The following SNX29 variants were observed in gnomAD, a reference collection of about 807,000 sequenced individuals.
SNX29 encodes sorting nexin-29.
In SNX29, 78 loss-of-function variants were observed where a neutral mutation model predicts 102.1. That is an observed-to-expected ratio of 0.76 (90% CI 0.64 to 0.92). SNX29 has a LOEUF of 0.92. Ranked by LOEUF, SNX29 falls within the 40% of genes least tolerant of loss-of-function variation. The pLI is 0.00. For synonymous variants in SNX29, 580 were observed against 414.5 expected (o/e 1.40, Z -4.85); for missense variants, 1,280 against 1,061.7 (o/e 1.21, Z -2.86).
At chr16:12,468,371 C>T (rs1187490300) in intron 18 of SNX29, among the ~76,000 whole-genome samples, 1 of 151,920 alleles carries the variant, frequency 6.6e-6, no homozygotes, top group Non-Finnish European at 1.5e-5. Context: ...GACGGGGTTT[C>T]ACCATGTTGT....
At chr16:12,026,982 A>G (rs959191144) in intron 3 of SNX29, among the ~76,000 whole-genome samples, 1 of 152,134 alleles carries the variant, frequency 6.6e-6, no homozygotes, top group Non-Finnish European at 1.5e-5. Context: ...ACCGCTCCCC[A>G]CACTGAACTG....
intron 20 of SNX29, among the ~76,000 whole-genome samples, chr16:12,540,402 G>A (rs549982995): frequency 3.3e-5 from 5 of 152,302 alleles, no homozygotes; most frequent in African/African-American, 9.6e-5. Flanking sequence ...CAAAGTTAGT[G>A]GCTAAAAACT....
In SNX29 at chr16:12,570,691, A is replaced by C. The variant is rs952042355; in HGVS notation, c.*2062A>C. ...GCTTATGACCTGCACCTTTTCTGACACCTGCCCCCAAAGCACAGGATGTGA... is the reference window on the plus strand; with the variant it reads ...GCTTATGACCTGCACCTTTTCTGACCCCTGCCCCCAAAGCACAGGATGTGA... On this transcript the variant is annotated 3_prime_UTR_variant, in exon 21 of 21. Coordinates refer to ENST00000566228, the MANE Select transcript of SNX29 (RefSeq NM_032167.5). 1 of 232,002 alleles carries C rather than the reference A, an allele frequency of 4.3e-6. No homozygotes were observed. The highest frequency in any genetic ancestry group is 6.1e-5 in the East Asian group (1 of 16,370). 14.4% of individuals were successfully genotyped at this position (232,002 alleles called of 1,614,324 possible). A position where few individuals can be genotyped will look rare whatever the true frequency, so the allele number is the denominator to read the frequency against.
intron 10 of SNX29, among the ~76,000 whole-genome samples, chr16:12,077,539 A>G (rs1407720827): frequency 2.0e-5 from 3 of 152,040 alleles, no homozygotes; most frequent in Non-Finnish European, 2.9e-5. Context: ...TATTCCCAGT[A>G]GTTGTATTCT....
rs1596546826 is a variant in SNX29 at position 11,994,928 on chromosome 16, C to T, written c.8-4369C>T. ...AGACAAGGGAAGTGACTGTCCCTGT[C>T]ACATGGCTAGCAAGCAGGCCAGGCA... On this transcript the variant is annotated intron_variant, in intron 1 of 20. Coordinates refer to ENST00000566228, the MANE Select transcript of SNX29 (RefSeq NM_032167.5). 2.0e-5 allele frequency among the ~76,000 whole-genome samples: 3 copies of T among 152,122 alleles called. No homozygotes were observed. The South Asian group carries it at 6.2e-4, about 32-fold the overall frequency.
chr16:12,090,153 C>T (rs1429735914), intron 11 of SNX29: 1 of 154,840 alleles, frequency 6.5e-6, no homozygotes, highest in East Asian at 1.9e-4. Flanking sequence ...TTTCTTTTTT[C>T]CTTAAAGACT....
intron 20 of SNX29, among the ~76,000 whole-genome samples, chr16:12,562,215 AGGTGGCCAAGTTCAG>A (rs1327997087): frequency 6.6e-6 from 1 of 152,122 alleles, no homozygotes; most frequent in African/African-American, 2.4e-5. Flanking sequence ...ACCCTGCTGG[AGGTGGCCAAGTTCAG>A]AAGTGAAGGG....
At chr16:12,484,492 T>C (rs979941557) in intron 19 of SNX29, among the ~76,000 whole-genome samples, 2 of 152,176 alleles carry the variant, frequency 1.3e-5, no homozygotes, top group Non-Finnish European at 2.9e-5. Context: ...GTGACACCCC[T>C]GGTACTTACA....
intron 20 of SNX29, among the ~76,000 whole-genome samples, chr16:12,551,025 C>T (rs754442105): frequency 6.6e-6 from 1 of 152,116 alleles, no homozygotes; most frequent in Non-Finnish European, 1.5e-5. Context: ...GAGTGATGGG[C>T]TTCTAAACAA....
intron 14 of SNX29, among the ~76,000 whole-genome samples, chr16:12,273,760 G>A (rs750711232): frequency 3.3e-5 from 5 of 152,148 alleles, no homozygotes; most frequent in African/African-American, 1.2e-4. Context: ...TTAGCAGTAG[G>A]GTCTTCATCC....
intron 1 of SNX29, among the ~76,000 whole-genome samples, chr16:11,980,965 CTTT>C (rs1289274238): frequency 1.4e-5 from 2 of 141,894 alleles, no homozygotes; most frequent in Admixed American, 7.1e-5. Context: ...TTTTCATTTT[CTTT>C]TTTTTTTTTT....
rs376490219 is a variant in SNX29, at chr16:12,041,314, G to A, written c.248-1583G>A. On this transcript the variant is annotated intron_variant, in intron 4 of 20. Transcript: ENST00000566228. Reference sequence around the variant, plus strand: ...TTTAGTAGAGATGGGGTTTCAGCATGTTGGCCAGGCTGATCTCGAACCCCT... The same window carrying A: ...TTTAGTAGAGATGGGGTTTCAGCATATTGGCCAGGCTGATCTCGAACCCCT... Among the ~76,000 whole-genome samples the A allele has an allele frequency of 8.5e-5, 13 of 152,250 alleles. No individual in the cohort carries two copies. In the East Asian group the frequency reaches 2.3e-3, roughly 27 times the overall value.
Position 12,561,501 on chromosome 16 carries a change from C to A in SNX29, c.2319-7005C>A, listed in dbSNP as rs573884944. ...ATTGACCGGCTCGCCAGACCCAGAT[C>A]ACAGGTGAAACAAAGTGAAAAGTTA... On this transcript the variant is annotated intron_variant, in intron 20 of 20. Coordinates refer to ENST00000566228, the MANE Select transcript of SNX29 (RefSeq NM_032167.5). 3.9e-5 allele frequency among the ~76,000 whole-genome samples: 6 copies of A among 152,282 alleles called. No individual in the cohort carries two copies. In the South Asian group the frequency reaches 1.2e-3, roughly 32 times the overall value.
intron 18 of SNX29, among the ~76,000 whole-genome samples, chr16:12,407,289 T>A (rs7203445): frequency 0.058 from 8,884 of 152,264 alleles, 343 homozygotes; most frequent in East Asian, 0.19. Flanking sequence ...GCTGGGGTCA[T>A]TGCCTTTGGC....
intron 1 of SNX29, chr16:11,983,740 C>T (rs1445865706): frequency 3.0e-5 from 29 of 981,398 alleles, no homozygotes; most frequent in Non-Finnish European, 3.5e-5. Context: ...ATGCTTAGAG[C>T]TCTTAAAATT....
chr16:12,407,275 C>G (rs1036754212), intron 18 of SNX29, among the ~76,000 whole-genome samples: 1 of 152,060 alleles, frequency 6.6e-6, no homozygotes, highest in Non-Finnish European at 1.5e-5. Context: ...GGAAAAACAG[C>G]AAGGCTGGGG....
intron 4 of SNX29, among the ~76,000 whole-genome samples, chr16:12,034,715 G>A (rs1321441208): frequency 6.6e-6 from 1 of 152,196 alleles, no homozygotes; most frequent in African/African-American, 2.4e-5. Context: ...TTTCAAAGGT[G>A]TTTAATCCTG....
intron 20 of SNX29, among the ~76,000 whole-genome samples, chr16:12,554,407 T>G (rs1221838704): frequency 6.6e-6 from 1 of 152,208 alleles, no homozygotes; most frequent in Non-Finnish European, 1.5e-5. Context: ...GTGCATCGTC[T>G]TCTGTAATGT....
chr16:12,056,884 C>T (rs1354670701), intron 8 of SNX29, among the ~76,000 whole-genome samples: 1 of 151,950 alleles, frequency 6.6e-6, no homozygotes, highest in East Asian at 1.9e-4. Context: ...AGTGCAGTGG[C>T]CTGATCACAC....
Sources: allele counts gnomAD v4.1 joint callset (sites outside exome capture counted in the v4.1 genomes callset), GRCh38; gene constraint gnomAD v4.1.1; transcripts MANE v1.5; gene names NCBI Gene and HGNC (gene_info 2026-07-23, HGNC 2026-07-21).